The following RPF2 variants were observed in gnomAD, a reference collection of about 807,000 sequenced individuals.
RPF2 encodes brix domain containing 1.
A neutral mutation model predicts 38.9 loss-of-function variants in RPF2; 21 were observed. The ratio of observed to expected loss-of-function variants is 0.54; its 90% CI spans 0.38 to 0.78. The LOEUF (loss-of-function observed/expected upper bound fraction) is 0.78, where lower values mean the gene tolerates loss of function less well. Ranked by LOEUF, RPF2 falls within the 30% of genes least tolerant of loss-of-function variation. The pLI, the probability that RPF2 is intolerant of heterozygous loss-of-function variation, is 0.00. For synonymous variants in RPF2, 121 were observed against 126.2 expected, an observed-to-expected ratio of 0.96 and a Z score of 0.28; for missense variants, 314 against 358.1, an observed-to-expected ratio of 0.88 and a Z score of 0.99.
chr6:110,997,303 G>T (rs1189733539), intron 5 of RPF2, 39 bp downstream of exon 5: 13 of 1,247,332 alleles, frequency 1.0e-5, no homozygotes, highest in Non-Finnish European at 1.5e-5. Flanking sequence ...CACTGATAGA[G>T]TCAATTTGTT....
intron 7 of RPF2, 130 bp downstream of exon 7, chr6:111,008,267 C>T: frequency 9.7e-7 from 1 of 1,032,840 alleles, no homozygotes; most frequent in South Asian, 2.6e-5. Flanking sequence ...TATTTATATA[C>T]TTAAAATAAT....
chr6:111,025,737 A>C lies in RPF2; in HGVS notation c.*155A>C, dbSNP rs1295816253. 3.7e-6 allele frequency: 2 copies of C among 535,546 alleles called. No homozygotes were observed. Among genetic ancestry groups the C allele is most frequent in the Non-Finnish European group, 6.2e-6 (2 of 320,350 alleles). The allele number at this position is 535,546 out of a possible 1,614,324, so 33.2% of individuals were successfully genotyped here. A position where few individuals can be genotyped will look rare whatever the true frequency, so the allele number is the denominator to read the frequency against. On this transcript the variant is annotated 3_prime_UTR_variant, in exon 10 of 10. Coordinates refer to ENST00000441448, the MANE Select transcript of RPF2 (RefSeq NM_032194.3). ...TTATGAACAGTAATATACTAGTATT[A>C]AGTGTAAAGTAAGCCTTTTATTTGA...
chr6:111,025,577 A>T lies in RPF2; in HGVS notation c.916A>T (p.Asn306Tyr). 1 of 1,604,576 alleles carries T rather than the reference A, an allele frequency of 6.2e-7. No homozygotes were observed. The highest frequency in any genetic ancestry group is 8.5e-7 in the Non-Finnish European group (1 of 1,177,218). ...GAAAAAGTCAAAAAGAATTAAAAAA[A>T]ATTGATGGAACTTAGCCAGCCACTA... Reference protein sequence around the residue: ...HEKKSKRIKKN With the variant: ...HEKKSKRIKKY The change falls in exon 10 of 10, where the codon AAT (asparagine) becomes TAT (tyrosine). Residue 306 changes from asparagine to tyrosine, a missense_variant. Asn to Tyr is a moderately radical substitution (Grantham distance 143). Transcript: ENST00000441448.
chr6:111,025,538 A>G lies in RPF2; in HGVS notation c.877A>G (p.Thr293Ala), dbSNP rs139591387. The G allele has an allele frequency of 3.8e-5, 62 of 1,610,732 alleles. No homozygotes were observed. The African/African-American group carries it at 6.4e-4, about 17-fold the overall frequency. Residue 293 changes from threonine to alanine, a missense_variant, in exon 10 of 10, where the codon ACA (threonine) becomes GCA (alanine). Physicochemically the swap from Thr to Ala is moderately conservative, Grantham distance 58 (BLOSUM62 0). Coordinates refer to ENST00000441448, the MANE Select transcript of RPF2 (RefSeq NM_032194.3). ...GLKKRPAERI[T>A]EDHEKKSKRI... ...GAAGAAGCGACCTGCAGAAAGGATA[A>G]CAGAAGACCACGAGAAAAAGTCAAA...
chr6:110,992,773 C>T (rs569885977), intron 4 of RPF2, among the ~76,000 whole-genome samples: 9 of 152,046 alleles, frequency 5.9e-5, no homozygotes, highest in Non-Finnish European at 1.3e-4. Flanking sequence ...ATATTGGTTT[C>T]TTCCTTAAGA....
At chr6:111,019,033 C>G (rs1218779115) in intron 8 of RPF2, among the ~76,000 whole-genome samples, 1 of 151,278 alleles carries the variant, frequency 6.6e-6, no homozygotes, top group African/African-American at 2.4e-5. Context: ...CTGGCCAACA[C>G]AGCGAAACCT....
intron 1 of RPF2, among the ~76,000 whole-genome samples, chr6:110,983,933 GCA>G (rs1488691248): frequency 1.3e-5 from 2 of 152,118 alleles, no homozygotes; most frequent in Admixed American, 1.3e-4. Context: ...GGAGGCTGAG[GCA>G]GGAGAATGGC....
chr6:111,021,139 G>T (rs745881734), intron 8 of RPF2, among the ~76,000 whole-genome samples: 3 of 151,960 alleles, frequency 2.0e-5, no homozygotes, highest in Non-Finnish European at 2.9e-5. Flanking sequence ...ACAGCACTCC[G>T]GCCTGGTGAC....
At chr6:111,016,774 C>G (rs1772122242) in intron 8 of RPF2, among the ~76,000 whole-genome samples, 1 of 144,990 alleles carries the variant, frequency 6.9e-6, no homozygotes, top group South Asian at 2.2e-4. Flanking sequence ...GAGGGAAGGT[C>G]AGCAGATAAA....
At position 110,982,334 on chromosome 6, in the gene RPF2, G is replaced by A. The variant is rs1771447457; in HGVS notation, c.23+205G>A. 1.9e-5 allele frequency: 12 copies of A among 618,924 alleles called. No individual in the cohort carries two copies. In the East Asian group the frequency reaches 3.3e-4, roughly 17 times the overall value. 38.3% of individuals were successfully genotyped at this position (618,924 alleles called of 1,614,324 possible). ...AGCTCTCAAGTGGGAGCCGTGGGAT[G>A]GGAGGGATGTGGGATTGAAGCGTTG... On this transcript the variant is annotated intron_variant, in intron 1 of 9. Coordinates refer to ENST00000441448, the MANE Select transcript of RPF2 (RefSeq NM_032194.3).
At chr6:110,999,144 C>T (rs777406433) in intron 5 of RPF2, among the ~76,000 whole-genome samples, 14 of 152,026 alleles carry the variant, frequency 9.2e-5, no homozygotes, top group African/African-American at 3.1e-4. Context: ...GTGGTCTCTT[C>T]GGGCTCTCAG....
chr6:110,989,493 C>A (rs1771581685), intron 3 of RPF2, among the ~76,000 whole-genome samples: 1 of 152,092 alleles, frequency 6.6e-6, no homozygotes, highest in South Asian at 2.1e-4. Flanking sequence ...CTGTTGTCGC[C>A]CGGCTGGAGT....
At chr6:111,023,550 A>C (rs963843676) in intron 8 of RPF2, among the ~76,000 whole-genome samples, 1 of 152,160 alleles carries the variant, frequency 6.6e-6, no homozygotes, top group Non-Finnish European at 1.5e-5. Context: ...ATAATTTTGT[A>C]TCTCACTTGC....
chr6:110,992,929 A>G (rs1452356714), intron 4 of RPF2, among the ~76,000 whole-genome samples: 1 of 152,152 alleles, frequency 6.6e-6, no homozygotes, highest in African/African-American at 2.4e-5. Context: ...AAATAAAAAT[A>G]AAAAAACTTA....
At position 111,015,410 on chromosome 6, in the gene RPF2, A is replaced by G. The variant is rs558021575; in HGVS notation, c.494-344A>G. Among the ~76,000 whole-genome samples the G allele has an allele frequency of 6.7e-4, 102 of 152,290 alleles. 1 individual carries two copies. The highest frequency in any genetic ancestry group is 6.8e-3 in the Middle Eastern group (2 of 294). On this transcript the variant is annotated intron_variant, in intron 7 of 9. Transcript: ENST00000441448. ...AATTTGAACAGCCATTTTTATAGAA[A>G]TTTGCTATCTTCATCTACCAGTAGA...
intron 3 of RPF2, among the ~76,000 whole-genome samples, chr6:110,990,688 G>A (rs1347626480): frequency 2.0e-5 from 3 of 151,580 alleles, no homozygotes; most frequent in African/African-American, 2.4e-5. Flanking sequence ...GGGTTCAAGC[G>A]ATTCTCCTGC....
Position 111,025,527 on chromosome 6 carries a change from C to T in RPF2, c.866C>T (p.Ala289Val). Reference sequence around the variant, plus strand: ...ATGAAGGGGTTGAAGAAGCGACCTGCAGAAAGGATAACAGAAGACCACGAG... The same window carrying T: ...ATGAAGGGGTTGAAGAAGCGACCTGTAGAAAGGATAACAGAAGACCACGAG... ...RKMKGLKKRP[A>V]ERITEDHEKK... Residue 289 changes from alanine to valine, a missense_variant, in exon 10 of 10, where the codon GCA becomes GTA. Coordinates refer to ENST00000441448, the MANE Select transcript of RPF2 (RefSeq NM_032194.3). 6.2e-7 allele frequency: 1 copy of T among 1,612,948 alleles called. No homozygotes were observed. The highest frequency in any genetic ancestry group is 8.5e-7 in the Non-Finnish European group (1 of 1,179,758).
rs1043693065 is a variant in RPF2 at position 111,018,641 on chromosome 6, A to G, written c.596+2785A>G. 2.0e-5 allele frequency among the ~76,000 whole-genome samples: 3 copies of G among 152,044 alleles called. No homozygotes were observed. The East Asian group carries it at 6.0e-4, about 30-fold the overall frequency. On this transcript the variant is annotated intron_variant, in intron 8 of 9. Coordinates refer to ENST00000441448, the MANE Select transcript of RPF2 (RefSeq NM_032194.3). ...GGCTCAACTGTATTAAATCAGAGAC[A>G]TTTAGTTCTTTTTCTCCATATAATT...
chr6:111,003,004 C>T (rs760316739), intron 6 of RPF2, among the ~76,000 whole-genome samples: 16 of 152,056 alleles, frequency 1.1e-4, no homozygotes, highest in Non-Finnish European at 2.2e-4. Context: ...TCAGGTGATC[C>T]ACCCGCCTCA....
Sources: allele counts gnomAD v4.1 joint callset (sites outside exome capture counted in the v4.1 genomes callset), GRCh38; gene constraint gnomAD v4.1.1; transcripts MANE v1.5; gene names NCBI Gene and HGNC (gene_info 2026-07-23, HGNC 2026-07-21).